SNTG2: variants seen among roughly 807,000 people sequenced by gnomAD.
SNTG2 encodes the protein gamma-2-syntrophin.
A neutral mutation model predicts 70.9 loss-of-function variants in SNTG2; 74 were observed. The observed-to-expected ratio is 1.04, with a 90% CI of 0.86 to 1.27. The LOEUF is 1.27. Among genes scored for constraint, SNTG2 ranks in the 50% most tolerant of loss-of-function variants. SNTG2 has a pLI of 0.00. For missense variants in SNTG2, 717 were observed against 690.7 expected, an observed-to-expected ratio of 1.04 and a Z score of -0.43; for synonymous variants, 278 against 273.8, an observed-to-expected ratio of 1.02 and a Z score of -0.15.
intron 9 of SNTG2, among the ~76,000 whole-genome samples, chr2:1,231,687 C>A (rs1219201832): frequency 6.6e-6 from 1 of 152,106 alleles, no homozygotes; most frequent in African/African-American, 2.4e-5. Context: ...GATGAGGGAA[C>A]CCCACAGCGT....
chr2:1,338,021 G>T (rs1659904205), intron 16 of SNTG2, among the ~76,000 whole-genome samples: 1 of 152,140 alleles, frequency 6.6e-6, no homozygotes, highest in African/African-American at 2.4e-5. Flanking sequence ...CACCACATAG[G>T]CCAGGTTTTA....
rs563257686 is a variant in SNTG2, at chr2:1,147,616, A to G, written c.411+9807A>G. Among the ~76,000 whole-genome samples the G allele has an allele frequency of 9.2e-5, 14 of 152,294 alleles. 1 individual carries two copies. In the South Asian group the frequency reaches 2.9e-3, roughly 32 times the overall value. ...TACTCCTTAATAAACTCCCCTTACTATGTACATCTATCCTATTAGTTCTGT... is the reference window on the plus strand; with the variant it reads ...TACTCCTTAATAAACTCCCCTTACTGTGTACATCTATCCTATTAGTTCTGT... On this transcript the variant is annotated intron_variant, in intron 6 of 16. Transcript: ENST00000308624.
chr2:1,040,229 G>A (rs552565798), intron 1 of SNTG2, among the ~76,000 whole-genome samples: 5 of 152,250 alleles, frequency 3.3e-5, no homozygotes, highest in South Asian at 2.1e-4. Flanking sequence ...TGCACCCCAC[G>A]CCAGTGACAC....
chr2:1,336,940 G>T (rs1307062697), intron 16 of SNTG2, among the ~76,000 whole-genome samples: 1 of 151,834 alleles, frequency 6.6e-6, no homozygotes, highest in East Asian at 1.9e-4. Context: ...GCTAGTCAAG[G>T]TCTTTTGCAG....
At chr2:965,162 TC>T (rs1660496792) in intron 1 of SNTG2, among the ~76,000 whole-genome samples, 2 of 139,018 alleles carry the variant, frequency 1.4e-5, no homozygotes, top group African/African-American at 5.4e-5. Context: ...CCAGTCCTCC[TC>T]CTTGGACCCC....
chr2:1,206,360 C>T (rs1238953568), intron 8 of SNTG2, among the ~76,000 whole-genome samples: 1 of 152,126 alleles, frequency 6.6e-6, no homozygotes, highest in East Asian at 1.9e-4. Context: ...ATGCTGGAGG[C>T]ATTTCCTCCA....
chr2:1,229,787 C>T (rs188176091), intron 9 of SNTG2, among the ~76,000 whole-genome samples: 259 of 152,356 alleles, frequency 1.7e-3, no homozygotes, highest in African/African-American at 6.0e-3. Flanking sequence ...AGTGCAGCGC[C>T]GGTGGGCTGG....
At chr2:1,323,369 T>C (rs1681612953) in intron 16 of SNTG2, among the ~76,000 whole-genome samples, 1 of 152,188 alleles carries the variant, frequency 6.6e-6, no homozygotes, top group Non-Finnish European at 1.5e-5. Flanking sequence ...GAAGGACACA[T>C]GGCTGAGACC....
At chr2:1,112,629 G>A (rs1049131967) in intron 4 of SNTG2, among the ~76,000 whole-genome samples, 2 of 145,870 alleles carry the variant, frequency 1.4e-5, no homozygotes, top group African/African-American at 5.6e-5. Flanking sequence ...ACAGTCCTTT[G>A]AGGAGAATCA....
chr2:1,225,476 C>G (rs142198139), intron 9 of SNTG2, among the ~76,000 whole-genome samples: 1 of 152,128 alleles, frequency 6.6e-6, no homozygotes, highest in Non-Finnish European at 1.5e-5. Flanking sequence ...TAAAGTAAGC[C>G]GCAGAAAAGC....
At chr2:1,318,797 CT>C (rs146059145) in intron 16 of SNTG2, among the ~76,000 whole-genome samples, 19,570 of 152,152 alleles carry the variant, frequency 0.13, 1,334 homozygotes, top group South Asian at 0.18. Context: ...GCACCGTAAC[CT>C]TTTGCTGCCT....
At chr2:1,278,929 A>ACCCCTGTCAGTGCGCGAATCC in intron 14 of SNTG2, among the ~76,000 whole-genome samples, 1 of 150,162 alleles carries the variant, frequency 6.7e-6, no homozygotes, top group Non-Finnish European at 1.5e-5. Context: ...GACGCGAATC[A>ACCCCTGTCAGTGCGCGAATCC]CCCCTGTCAG....
intron 1 of SNTG2, among the ~76,000 whole-genome samples, chr2:955,645 T>G (rs911484921): frequency 6.6e-6 from 1 of 152,250 alleles, no homozygotes; most frequent in Non-Finnish European, 1.5e-5. Context: ...ATTGTGTAGT[T>G]CATAAATTAT....
chr2:1,124,356 G>T (rs931895242), intron 4 of SNTG2, among the ~76,000 whole-genome samples: 16 of 151,092 alleles, frequency 1.1e-4, no homozygotes, highest in Admixed American at 3.9e-4. Context: ...GTGCAGTGGT[G>T]CGATCTCAGC....
intron 12 of SNTG2, among the ~76,000 whole-genome samples, chr2:1,255,911 TATATATAAATATATAA>T (rs1174046945): frequency 1.1e-4 from 7 of 65,780 alleles, no homozygotes; most frequent in Admixed American, 8.1e-4. Context: ...TATATAAATA[TATATATAAATATATAA>T]ATATATAAAT....
chr2:952,221 G>A (rs1659997746), intron 1 of SNTG2, among the ~76,000 whole-genome samples: 1 of 152,164 alleles, frequency 6.6e-6, no homozygotes, highest in African/African-American at 2.4e-5. Context: ...GAGAAAATAT[G>A]CGGGGATTAC....
intron 4 of SNTG2, among the ~76,000 whole-genome samples, chr2:1,129,440 T>G (rs541041339): frequency 6.6e-6 from 1 of 152,352 alleles, no homozygotes; most frequent in Admixed American, 6.5e-5. Flanking sequence ...GAAATGTGTC[T>G]CTTCTGGTAA....
At chr2:1,054,834 ATGTAAT>A (rs966071754) in intron 1 of SNTG2, among the ~76,000 whole-genome samples, 3 of 152,346 alleles carry the variant, frequency 2.0e-5, no homozygotes, top group Admixed American at 1.3e-4. Flanking sequence ...AAACAGAATA[ATGTAAT>A]TGTAATTAGG....
intron 14 of SNTG2, among the ~76,000 whole-genome samples, chr2:1,305,271 C>T (rs1400510947): frequency 6.6e-6 from 1 of 152,144 alleles, no homozygotes; most frequent in Non-Finnish European, 1.5e-5. Context: ...AATGACTACA[C>T]CAAATGAGTT....
Sources: allele counts gnomAD v4.1 joint callset (sites outside exome capture counted in the v4.1 genomes callset), GRCh38; gene constraint gnomAD v4.1.1; transcripts MANE v1.5; gene names NCBI Gene and HGNC (gene_info 2026-07-23, HGNC 2026-07-21).